RBFOX3: variants seen among roughly 807,000 people sequenced by gnomAD.
RBFOX3 encodes RNA binding fox-1 homolog 3, also known as RNA binding protein fox-1 homolog 3.
A neutral mutation model predicts 48.7 loss-of-function variants in RBFOX3; 17 were observed. That is an observed-to-expected ratio of 0.35 (90% CI 0.24 to 0.52). The LOEUF (loss-of-function observed/expected upper bound fraction) is 0.52. Ranked by LOEUF, RBFOX3 falls within the 20% of genes least tolerant of loss-of-function variation. The probability of loss-of-function intolerance (pLI) is 0.94; values close to 1 mark genes in which losing one functional copy is unlikely to be tolerated. For synonymous variants in RBFOX3, 212 were observed against 209.5 expected, an observed-to-expected ratio of 1.01 and a Z score of -0.10; for missense variants, 382 against 497.5, an observed-to-expected ratio of 0.77 and a Z score of 2.21.
intron 1 of RBFOX3, among the ~76,000 whole-genome samples, chr17:79,527,604 T>G (rs980256198): frequency 3.9e-5 from 6 of 152,218 alleles, no homozygotes; most frequent in African/African-American, 1.4e-4. Context: ...TTCTATACAT[T>G]ATTCCCTCCA....
intron 12 of RBFOX3, 88 bp from the exon 13 acceptor site, chr17:79,095,662 T>G (rs1281349020): frequency 6.6e-6 from 8 of 1,214,882 alleles, no homozygotes; most frequent in Non-Finnish European, 3.5e-6. Context: ...ACAGACCCTG[T>G]GCGGGTGGGG....
intron 4 of RBFOX3, among the ~76,000 whole-genome samples, chr17:79,213,933 G>A (rs1230016218): frequency 2.0e-5 from 3 of 152,208 alleles, no homozygotes; most frequent in Admixed American, 6.5e-5. Flanking sequence ...GGATGTGAAG[G>A]AAGCCAAGAC....
chr17:79,608,501 A>G (rs2093888776), intron 1 of RBFOX3, among the ~76,000 whole-genome samples: 1 of 152,122 alleles, frequency 6.6e-6, no homozygotes, highest in African/African-American at 2.4e-5. Flanking sequence ...GATAGCTGCT[A>G]GAAATGGACA....
chr17:79,519,423 C>T (rs1006943630), intron 1 of RBFOX3, among the ~76,000 whole-genome samples: 33 of 152,356 alleles, frequency 2.2e-4, no homozygotes, highest in Non-Finnish European at 5.9e-5. Flanking sequence ...GAGGTGGGAC[C>T]GAGCTAGCCA....
chr17:79,442,915 C>A (rs1453680892), intron 2 of RBFOX3, among the ~76,000 whole-genome samples: 1 of 152,148 alleles, frequency 6.6e-6, no homozygotes, highest in Non-Finnish European at 1.5e-5. Flanking sequence ...TCTGAAGCTC[C>A]CCACAGCCAC....
chr17:79,284,315 T>G (rs2071331772), intron 3 of RBFOX3, among the ~76,000 whole-genome samples: 1 of 152,048 alleles, frequency 6.6e-6, no homozygotes, highest in Admixed American at 6.5e-5. Flanking sequence ...GAAAATATTT[T>G]GGGAAGAGTA....
rs1278091403 is a variant in RBFOX3 at position 79,243,702 on chromosome 17, G to A, written c.-73-7897C>T. Among the ~76,000 whole-genome samples the A allele has an allele frequency of 6.6e-6, 1 of 152,134 alleles. No homozygotes were observed. The highest frequency in any genetic ancestry group is 1.5e-5 in the Non-Finnish European group (1 of 68,026). ...CCTGAGCACCCTTGACAACACCCAA[G>A]CTGTGCCACAGACACCATAGTGTAT... On this transcript the variant is annotated intron_variant, in intron 3 of 14. Transcript: ENST00000693108. This position sits in a 1 kb window ranked among gnomAD's most constrained non-coding sequence, Gnocchi z 7.9.
intron 1 of RBFOX3, among the ~76,000 whole-genome samples, chr17:79,509,323 G>A (rs782659360): frequency 0.27 from 41,695 of 151,964 alleles, 7,137 homozygotes; most frequent in Non-Finnish European, 0.37. Flanking sequence ...CTACACAAAC[G>A]GACAAGAAGA....
At chr17:79,591,687 C>T (rs1027256313) in intron 1 of RBFOX3, among the ~76,000 whole-genome samples, 1 of 152,146 alleles carries the variant, frequency 6.6e-6, no homozygotes, top group Non-Finnish European at 1.5e-5. Context: ...GAAAACAGAG[C>T]CTGGGGCAAG....
intron 5 of RBFOX3, among the ~76,000 whole-genome samples, chr17:79,108,821 TC>T (rs201747479): frequency 0.02 from 3,104 of 152,266 alleles, 56 homozygotes; most frequent in Non-Finnish European, 0.031. Flanking sequence ...GGACACAGCC[TC>T]CCCCGTACCA....
At chr17:79,166,845 T>C (rs562226102) in intron 4 of RBFOX3, among the ~76,000 whole-genome samples, 1 of 152,326 alleles carries the variant, frequency 6.6e-6, no homozygotes, top group African/African-American at 2.4e-5. Context: ...TCTGGGATGG[T>C]TGCACAACTG....
intron 3 of RBFOX3, among the ~76,000 whole-genome samples, chr17:79,280,815 G>A (rs2070238234): frequency 7.2e-6 from 1 of 139,260 alleles, no homozygotes; most frequent in African/African-American, 2.6e-5. Context: ...GACCAGGAAA[G>A]AGCTGCCAGG....
intron 2 of RBFOX3, among the ~76,000 whole-genome samples, chr17:79,412,875 ATG>A (rs1264780829): frequency 6.6e-6 from 1 of 151,754 alleles, no homozygotes; most frequent in Non-Finnish European, 1.5e-5. Flanking sequence ...TGTGGTGTGT[ATG>A]CACGTGTTGT....
At chr17:79,572,841 G>A (rs936261764) in intron 1 of RBFOX3, among the ~76,000 whole-genome samples, 4,468 of 152,188 alleles carry the variant, frequency 0.029, 200 homozygotes, top group African/African-American at 0.1. Context: ...CTGGCCACCC[G>A]TGCTGCCCTG....
At chr17:79,551,838 C>G (rs2091189057) in intron 1 of RBFOX3, among the ~76,000 whole-genome samples, 1 of 152,166 alleles carries the variant, frequency 6.6e-6, no homozygotes, top group Non-Finnish European at 1.5e-5. Context: ...GAAACAGATG[C>G]CAACACTACG....
chr17:79,134,575 C>T (rs995147135), intron 4 of RBFOX3, among the ~76,000 whole-genome samples: 8 of 152,192 alleles, frequency 5.3e-5, no homozygotes, highest in African/African-American at 1.9e-4. Context: ...GTCTGGACTG[C>T]GGACCCTGTC....
upstream of RBFOX3, among the ~76,000 whole-genome samples, chr17:79,614,014 C>T (rs1054641259): frequency 4.6e-5 from 7 of 152,214 alleles, no homozygotes; most frequent in Admixed American, 1.3e-4. Flanking sequence ...TAAACCCCAA[C>T]GACCTGGAGA....
At chr17:79,633,349 G>A in the RBFOX3 span, among the ~76,000 whole-genome samples, 2 of 152,266 alleles carry the variant, frequency 1.3e-5, no homozygotes, top group Non-Finnish European at 2.9e-5. Context: ...CCACCAACCG[G>A]AGAAGCTCTG....
intron 14 of RBFOX3, among the ~76,000 whole-genome samples, chr17:79,093,802 C>CAT (rs1460888428): frequency 6.7e-6 from 1 of 148,796 alleles, no homozygotes; most frequent in Non-Finnish European, 1.5e-5. Context: ...CACACACACA[C>CAT]ACACACACAC....
Sources: allele counts gnomAD v4.1 joint callset (sites outside exome capture counted in the v4.1 genomes callset), GRCh38; gene constraint gnomAD v4.1.1; non-coding constraint Gnocchi (gnomAD v3.1); transcripts MANE v1.5; gene names NCBI Gene and HGNC (gene_info 2026-07-23, HGNC 2026-07-21).